CASZ1: variants seen among roughly 807,000 people sequenced by gnomAD.
CASZ1 encodes the protein castor zinc finger 1, also known as zinc finger protein castor homolog 1.
CASZ1 carries 28 observed loss-of-function variants against 135.2 expected under a neutral mutation model. The ratio of observed to expected loss-of-function variants is 0.21; its 90% CI spans 0.15 to 0.28. The LOEUF (loss-of-function observed/expected upper bound fraction) is 0.28. Ranked by LOEUF, CASZ1 falls within the 10% of genes least tolerant of loss-of-function variation. CASZ1 has a pLI of 1.00. For missense variants in CASZ1, 2,161 were observed against 2,453.3 expected, an observed-to-expected ratio of 0.88 and a Z score of 2.52; for synonymous variants, 1,068 against 1,073.4, an observed-to-expected ratio of 0.99 and a Z score of 0.10.
chr1:10,744,412 T>C (rs1640000454), intron 2 of CASZ1, among the ~76,000 whole-genome samples: 1 of 94,128 alleles, frequency 1.1e-5, no homozygotes, highest in Admixed American at 1.1e-4. Context: ...AGCAGGCATG[T>C]CCTGGGCACC....
At chr1:10,654,276 C>T (rs1005040844) in intron 10 of CASZ1, 58 bp from the exon 11 acceptor site, 1 of 1,587,644 alleles carries the variant, frequency 6.3e-7, no homozygotes, top group Non-Finnish European at 8.6e-7. Context: ...CCCTGCTACA[C>T]CATGGCCCTG....
chr1:10,690,318 G>A (rs1195815095), intron 4 of CASZ1, among the ~76,000 whole-genome samples: 3 of 152,196 alleles, frequency 2.0e-5, no homozygotes, highest in African/African-American at 7.2e-5. Flanking sequence ...CTCAGGGCAG[G>A]GGCCTGAGCA....
rs558058244 is a variant in CASZ1 at position 10,725,949 on chromosome 1, C to G, written c.-76-20405G>C. 2.6e-5 allele frequency among the ~76,000 whole-genome samples: 4 copies of G among 152,222 alleles called. No homozygotes were observed. The East Asian group carries it at 7.7e-4, about 29-fold the overall frequency. On this transcript the variant is annotated intron_variant, in intron 2 of 20. Coordinates refer to ENST00000377022, the MANE Select transcript of CASZ1 (RefSeq NM_001079843.3). The surrounding 1 kb of genome is among the most constrained non-coding windows in gnomAD (Gnocchi z 4.4). ...CCTCAGGATCCCTTAGTAGCAAGAG[C>G]AGGGTGAGGCTCCACCTCAGTGCAC...
chr1:10,667,998 G>A (rs1441043539), intron 4 of CASZ1, among the ~76,000 whole-genome samples: 13 of 152,236 alleles, frequency 8.5e-5, no homozygotes. Flanking sequence ...CTGCCCTCCA[G>A]CTGCCGCGCT....
At position 10,642,821 on chromosome 1, in the gene CASZ1, G is replaced by T. The variant is rs376551786; in HGVS notation, c.4162+38C>A. 89 of 1,603,208 alleles carry T rather than the reference G, an allele frequency of 5.6e-5. No individual in the cohort carries two copies. The African/African-American group carries it at 1.1e-3, about 20-fold the overall frequency. ...CCAGCGGTGCTGGGCTTTGGGAGTG[G>T]GGCCTGGCCCTGCCAGCAGCCCCTG... On this transcript the variant is annotated intron_variant, in intron 20 of 20. Coordinates refer to ENST00000377022, the MANE Select transcript of CASZ1 (RefSeq NM_001079843.3).
Position 10,777,468 on chromosome 1 carries a change from C to T in CASZ1, c.-233-16611G>A, listed in dbSNP as rs191745466. Among the ~76,000 whole-genome samples the T allele has an allele frequency of 6.6e-6, 1 of 152,302 alleles. No individual in the cohort carries two copies. The highest frequency in any genetic ancestry group is 1.9e-4 in the East Asian group (1 of 5,184). On this transcript the variant is annotated intron_variant, in intron 1 of 20. Transcript: ENST00000377022. This position sits in a 1 kb window ranked among gnomAD's most constrained non-coding sequence, Gnocchi z 4.4. ...AAGAATTGCCATTCAGCCCCGGATC[C>T]GGCCAGAGCACAGTCTCACTCAGGG...
rs1171158662 is a variant in CASZ1, at chr1:10,694,584, CCCGCCGCCGCCGCCGCCGCCGCCG to C, written c.-23-696_-23-673del. ...GGCAGGTGAAAGAGCAGAGCGCGGC[CCCGCCGCCGCCGCCGCCGCCGCCG>C]CCGCCGCCGCCGCCCGGTGCGCCCG... On this transcript the variant is annotated intron_variant, in intron 3 of 20. Coordinates refer to ENST00000377022, the MANE Select transcript of CASZ1 (RefSeq NM_001079843.3). This position sits in a 1 kb window ranked among gnomAD's most constrained non-coding sequence, Gnocchi z 6.6. 6.8e-3 allele frequency: 928 copies of C among 137,436 alleles called. 15 individuals carry two copies. The highest frequency in any genetic ancestry group is 0.024 in the African/African-American group (884 of 37,260). 8.5% of individuals were successfully genotyped at this position (137,436 alleles called of 1,614,324 possible).
chr1:10,646,394 C>A lies in CASZ1; in HGVS notation c.3498-68G>T. On this transcript the variant is annotated intron_variant, in intron 16 of 20. Transcript: ENST00000377022. This position sits in a 1 kb window ranked among gnomAD's most constrained non-coding sequence, Gnocchi z 6.4. ...GCCCTCCCTGCTGGTGTCCTGACTT[C>A]ACTTGTGTTGGAGTTCACTCCCCCA... is the stretch of plus-strand genomic sequence containing the variant. 2 of 1,511,382 alleles carry A rather than the reference C, an allele frequency of 1.3e-6. No individual in the cohort carries two copies. Among genetic ancestry groups the A allele is most frequent in the South Asian group, 2.3e-5 (2 of 85,680 alleles). 93.6% of individuals were successfully genotyped at this position (1,511,382 alleles called of 1,614,324 possible).
At chr1:10,669,426 AAATAATTTACT>A (rs1339329868) in intron 4 of CASZ1, among the ~76,000 whole-genome samples, 2 of 152,258 alleles carry the variant, frequency 1.3e-5, no homozygotes, top group African/African-American at 4.8e-5. Flanking sequence ...TTGCTACAAT[AAATAATTTACT>A]GATATTTATA....
rs772427446 is a variant in CASZ1 at position 10,639,686 on chromosome 1, G to A, written c.4536C>T (p.Ser1512=). ...GGCAGCGCAGGCAGTGGAAGTGCGT[G>A]CTGGTGCCCGAGAAGGGGCAGTCGG... ...HFADCPFSGT[S]THFHCLRCRF... Residue 1512 remains serine (S), a synonymous_variant, in exon 21 of 21, where the codon AGC becomes AGT. Transcript: ENST00000377022. The surrounding 1 kb of genome is among the most constrained non-coding windows in gnomAD (Gnocchi z 4.0). 3 of 1,598,032 alleles carry A rather than the reference G, an allele frequency of 1.9e-6. No individual in the cohort carries two copies. The African/African-American group carries it at 4.0e-5, about 21-fold the overall frequency.
At chr1:10,655,590 A>T in intron 9 of CASZ1, 59 bp downstream of exon 9, 2 of 1,508,858 alleles carry the variant, frequency 1.3e-6, no homozygotes, top group Non-Finnish European at 1.8e-6. Flanking sequence ...GGGGGCTCAG[A>T]GCCGGGAGGG....
At chr1:10,698,856 T>C (rs1482104581) in intron 3 of CASZ1, among the ~76,000 whole-genome samples, 3 of 152,232 alleles carry the variant, frequency 2.0e-5, no homozygotes. Flanking sequence ...CAGTGTCACC[T>C]TCTTGGCCCA....
At chr1:10,781,545 A>G (rs1419706687) in intron 1 of CASZ1, among the ~76,000 whole-genome samples, 1 of 152,182 alleles carries the variant, frequency 6.6e-6, no homozygotes, top group African/African-American at 2.4e-5. Flanking sequence ...AGGGCTCTGT[A>G]CTGGGCGGAC....
intron 2 of CASZ1, among the ~76,000 whole-genome samples, chr1:10,710,301 AG>A (rs1259828664): frequency 2.6e-5 from 4 of 152,094 alleles, no homozygotes; most frequent in Non-Finnish European, 2.9e-5. Flanking sequence ...ATGCCTGGCC[AG>A]GGACTTCAAT....
At chr1:10,703,616 C>CT (rs752618094) in intron 3 of CASZ1, among the ~76,000 whole-genome samples, 8 of 151,054 alleles carry the variant, frequency 5.3e-5, no homozygotes, top group Non-Finnish European at 8.9e-5. Context: ...ACCTGTGGGG[C>CT]TTTTTTTTTC....
At position 10,656,233 on chromosome 1, in the gene CASZ1, C is replaced by T. The variant is rs561875811; in HGVS notation, c.1500+413G>A. On this transcript the variant is annotated intron_variant, in intron 8 of 20. Coordinates refer to ENST00000377022, the MANE Select transcript of CASZ1 (RefSeq NM_001079843.3). Reference sequence around the variant, plus strand: ...TCTCCCCCCACTCACCAGCCCCGCGCTCACTGGCGGGCAGCCTTGGGCACA... The same window carrying T: ...TCTCCCCCCACTCACCAGCCCCGCGTTCACTGGCGGGCAGCCTTGGGCACA... Among the ~76,000 whole-genome samples the T allele has an allele frequency of 7.9e-5, 12 of 152,378 alleles. No individual in the cohort carries two copies. The East Asian group carries it at 1.5e-3, about 20-fold the overall frequency.
rs1004586146 is a variant in CASZ1, at chr1:10,725,654, C to CA, written c.-76-20111dup. On this transcript the variant is annotated intron_variant, in intron 2 of 20. Transcript: ENST00000377022. The surrounding 1 kb of genome is among the most constrained non-coding windows in gnomAD (Gnocchi z 4.4). ...TTCAGCTACCATGTTACAATCCAGT[C>CA]ACACTCCAGGCCTGGGGGAGGCCAG... Among the ~76,000 whole-genome samples the CA allele has an allele frequency of 1.3e-5, 2 of 151,954 alleles. No homozygotes were observed. Among genetic ancestry groups the CA allele is most frequent in the Non-Finnish European group, 2.9e-5 (2 of 68,028 alleles).
intron 1 of CASZ1, among the ~76,000 whole-genome samples, chr1:10,791,806 AG>A (rs1189506998): frequency 6.6e-6 from 1 of 152,188 alleles, no homozygotes; most frequent in Non-Finnish European, 1.5e-5. Flanking sequence ...CCTAAGCCAG[AG>A]GAAAAAAAAG....
chr1:10,665,592 A>C (rs1467628800), intron 4 of CASZ1, 21 bp from the exon 5 acceptor site: 5 of 1,534,266 alleles, frequency 3.3e-6, no homozygotes, highest in Non-Finnish European at 2.6e-6. Flanking sequence ...GGAGGAGAGC[A>C]CGGAGGTCAG....
Sources: allele counts gnomAD v4.1 joint callset (sites outside exome capture counted in the v4.1 genomes callset), GRCh38; gene constraint gnomAD v4.1.1; non-coding constraint Gnocchi (gnomAD v3.1); transcripts MANE v1.5; gene names NCBI Gene and HGNC (gene_info 2026-07-23, HGNC 2026-07-21).